The following VWA3B variants were observed in gnomAD, a reference collection of about 807,000 sequenced individuals.
VWA3B encodes the protein von Willebrand factor A domain-containing protein 3B.
A neutral mutation model predicts 158.3 loss-of-function variants in VWA3B; 138 were observed. The ratio of observed to expected loss-of-function variants is 0.87; its 90% CI spans 0.76 to 1.00. VWA3B has a LOEUF of 1.00. Among genes scored for constraint, VWA3B ranks in the 50% least tolerant of loss-of-function variants. VWA3B has a pLI of 0.00. For missense variants in VWA3B, 1,555 were observed against 1,565.1 expected (o/e 0.99, Z 0.11); for synonymous variants, 596 against 587.3 (o/e 1.01, Z -0.21).
At chr2:98,136,565 A>G (rs888826180) in intron 7 of VWA3B, among the ~76,000 whole-genome samples, 7 of 151,634 alleles carry the variant, frequency 4.6e-5, no homozygotes, top group African/African-American at 1.7e-4. Flanking sequence ...GGAGGGGAGG[A>G]ATGCTGCACC....
the VWA3B span, among the ~76,000 whole-genome samples, chr2:98,325,848 A>G: frequency 6.6e-6 from 1 of 152,214 alleles, no homozygotes; most frequent in African/African-American, 2.4e-5. Context: ...GATTATCTCA[A>G]CCATCTTGAC....
intron 12 of VWA3B, among the ~76,000 whole-genome samples, chr2:98,197,380 A>G (rs1310009241): frequency 9.9e-5 from 15 of 152,050 alleles, no homozygotes; most frequent in Non-Finnish European, 2.2e-4. Context: ...AAAAGTTACC[A>G]TTTTTTTCCC....
the VWA3B span, among the ~76,000 whole-genome samples, chr2:98,323,433 C>T: frequency 2.0e-5 from 3 of 151,422 alleles, no homozygotes; most frequent in Admixed American, 6.6e-5. Flanking sequence ...ACCTCAGAGA[C>T]CCATGGAATA....
intron 1 of VWA3B, among the ~76,000 whole-genome samples, chr2:98,092,825 T>TAC (rs1682427721): frequency 2.0e-5 from 2 of 98,294 alleles, no homozygotes; most frequent in South Asian, 6.4e-4. Context: ...TGTATATATA[T>TAC]ATATATATAT....
At chr2:98,094,417 G>A (rs1682574825) in intron 2 of VWA3B, among the ~76,000 whole-genome samples, 1 of 151,956 alleles carries the variant, frequency 6.6e-6, no homozygotes, top group African/African-American at 2.4e-5. Context: ...ATACCTGTTG[G>A]CCATTTGTAT....
chr2:98,227,276 G>A (rs556658333), intron 14 of VWA3B, among the ~76,000 whole-genome samples: 1 of 152,256 alleles, frequency 6.6e-6, no homozygotes, highest in Admixed American at 6.5e-5. Flanking sequence ...GCCAAATCAT[G>A]AATGAACTCC....
At chr2:98,311,181 C>T (rs936510392) in intron 26 of VWA3B, among the ~76,000 whole-genome samples, 2 of 152,148 alleles carry the variant, frequency 1.3e-5, no homozygotes, top group African/African-American at 4.8e-5. Context: ...GGTGAGCTCC[C>T]AAAACGGTGA....
At chr2:98,143,650 G>T (rs919369253) in intron 7 of VWA3B, among the ~76,000 whole-genome samples, 1 of 151,962 alleles carries the variant, frequency 6.6e-6, no homozygotes, top group Non-Finnish European at 1.5e-5. Context: ...AAAAACCTGG[G>T]CTTTGGAGTC....
At position 98,203,078 on chromosome 2, in the gene VWA3B, G is replaced by A. The variant is rs777498887; in HGVS notation, c.1737+8586G>A. The stretch of plus-strand genomic sequence containing the variant: ...GATTTCCTGACTTTGTGATCTGCCC[G>A]CCTTGGCCTCCCAAAGTGCTGGGAT... On this transcript the variant is annotated intron_variant, in intron 12 of 27. Coordinates refer to ENST00000477737, the MANE Select transcript of VWA3B (RefSeq NM_144992.5). Among the ~76,000 whole-genome samples the A allele has an allele frequency of 9.1e-4, 139 of 152,258 alleles. 1 individual carries two copies. Among genetic ancestry groups the A allele is most frequent in the Non-Finnish European group, 1.6e-3 (107 of 68,018 alleles).
intron 8 of VWA3B, among the ~76,000 whole-genome samples, chr2:98,169,852 C>T (rs1158608504): frequency 6.6e-6 from 1 of 151,864 alleles, no homozygotes; most frequent in Non-Finnish European, 1.5e-5. Flanking sequence ...GGCATGGTGG[C>T]TCACACCTGT....
chr2:98,096,144 T>C (rs1682691138), intron 2 of VWA3B, among the ~76,000 whole-genome samples: 1 of 152,248 alleles, frequency 6.6e-6, no homozygotes, highest in Non-Finnish European at 1.5e-5. Context: ...AGAATGGATT[T>C]GGAAATATTC....
intron 7 of VWA3B, among the ~76,000 whole-genome samples, chr2:98,138,668 G>A (rs904388405): frequency 1.4e-4 from 21 of 152,200 alleles, no homozygotes; most frequent in African/African-American, 4.8e-4. Context: ...ACTCACCTGC[G>A]TGAGGGTGGG....
intron 21 of VWA3B, among the ~76,000 whole-genome samples, chr2:98,263,488 A>G (rs951021886): frequency 6.6e-6 from 1 of 151,950 alleles, no homozygotes; most frequent in African/African-American, 2.4e-5. Context: ...TTTCTGCATC[A>G]CTTGAGATAA....
At chr2:98,106,597 C>G (rs561474725) in intron 2 of VWA3B, among the ~76,000 whole-genome samples, 13 of 152,034 alleles carry the variant, frequency 8.6e-5, no homozygotes, top group Admixed American at 2.6e-4. Flanking sequence ...GTATACGAAG[C>G]CTGCACATGT....
chr2:98,328,953 A>G, the VWA3B span, among the ~76,000 whole-genome samples: 1 of 152,232 alleles, frequency 6.6e-6, no homozygotes, highest in South Asian at 2.1e-4. Context: ...AGCTACATTA[A>G]ACAATAAGGT....
At chr2:98,128,443 C>T (rs748870243) in intron 6 of VWA3B, 35 bp downstream of exon 6, 20 of 1,602,086 alleles carry the variant, frequency 1.2e-5, no homozygotes, top group South Asian at 3.3e-5. Context: ...TGACAGCAAG[C>T]GGGTTGCCTG....
At chr2:98,250,562 C>T in intron 20 of VWA3B, 126 bp downstream of exon 20, 1 of 785,816 alleles carries the variant, frequency 1.3e-6, no homozygotes, top group Non-Finnish European at 2.0e-6. Flanking sequence ...ATTGTTCAGG[C>T]TGGGTGTGGT....
intron 19 of VWA3B, among the ~76,000 whole-genome samples, chr2:98,249,950 A>G (rs1018154322): frequency 5.3e-5 from 8 of 152,212 alleles, no homozygotes; most frequent in Admixed American, 1.3e-4. Flanking sequence ...CAAAGAAGCA[A>G]CAATGAGATC....
intron 2 of VWA3B, among the ~76,000 whole-genome samples, chr2:98,100,462 A>G (rs1173342772): frequency 6.6e-6 from 1 of 152,258 alleles, no homozygotes; most frequent in African/African-American, 2.4e-5. Flanking sequence ...CACTGAGGCT[A>G]GTGCCACACA....
Sources: allele counts gnomAD v4.1 joint callset (sites outside exome capture counted in the v4.1 genomes callset), GRCh38; gene constraint gnomAD v4.1.1; transcripts MANE v1.5; gene names NCBI Gene and HGNC (gene_info 2026-07-23, HGNC 2026-07-21).